PSD3: variants seen among roughly 807,000 people sequenced by gnomAD.
The protein encoded by PSD3 is PH and SEC7 domain-containing protein 3.
Under a neutral mutation model 105.5 loss-of-function variants are expected in PSD3, and 49 were observed. The observed-to-expected ratio is 0.46, with a 90% CI of 0.37 to 0.59. PSD3 has a LOEUF of 0.59. Among genes scored for constraint, PSD3 ranks in the 20% least tolerant of loss-of-function variants. The pLI is 0.00. For missense variants in PSD3, 1,561 were observed against 1,263.8 expected (o/e 1.24, Z -3.57); for synonymous variants, 557 against 457.8 (o/e 1.22, Z -2.77).
intron 15 of PSD3, among the ~76,000 whole-genome samples, chr8:18,545,699 G>A (rs1021465474): frequency 6.6e-6 from 1 of 152,302 alleles, no homozygotes; most frequent in South Asian, 2.1e-4. Context: ...AGGGCACGTG[G>A]TTAATCTTTT....
intron 8 of PSD3, among the ~76,000 whole-genome samples, chr8:18,775,566 T>C (rs1375961209): frequency 6.6e-6 from 1 of 152,218 alleles, no homozygotes; most frequent in East Asian, 1.9e-4. Flanking sequence ...TCCTGTGGTT[T>C]TGATTTGCAT....
chr8:19,040,476 G>T, intron 1 of PSD3, among the ~76,000 whole-genome samples: 1 of 152,188 alleles, frequency 6.6e-6, no homozygotes, highest in South Asian at 2.1e-4. Flanking sequence ...AAAGTGTTGG[G>T]ATTATAGGCG....
intron 14 of PSD3, among the ~76,000 whole-genome samples, chr8:18,572,038 T>C (rs1055802558): frequency 6.6e-6 from 1 of 152,226 alleles, no homozygotes; most frequent in South Asian, 2.1e-4. Flanking sequence ...CTTCATTAGC[T>C]TGGAAAATCC....
At chr8:18,903,998 T>C (rs1479800590) in intron 2 of PSD3, among the ~76,000 whole-genome samples, 2 of 152,186 alleles carry the variant, frequency 1.3e-5, no homozygotes, top group South Asian at 2.1e-4. Flanking sequence ...TTTGCAGTGC[T>C]ATAAAGGAAC....
At chr8:19,023,116 G>A (rs1463696839) in intron 1 of PSD3, among the ~76,000 whole-genome samples, 2 of 152,266 alleles carry the variant, frequency 1.3e-5, no homozygotes, top group African/African-American at 4.8e-5. Flanking sequence ...AATTCTGAAA[G>A]ATGGGAGAGA....
intron 1 of PSD3, among the ~76,000 whole-genome samples, chr8:18,995,232 T>C (rs1248244919): frequency 3.3e-5 from 5 of 152,120 alleles, no homozygotes; most frequent in African/African-American, 4.8e-5. Context: ...AGGACAAATA[T>C]GGCCTTGGGA....
intron 9 of PSD3, chr8:18,721,249 T>C (rs1281375796): frequency 6.6e-6 from 1 of 151,892 alleles, no homozygotes; most frequent in East Asian, 1.9e-4. Flanking sequence ...TTAAGGATTA[T>C]TTCATTAAAA....
rs538584005 is a variant in PSD3, at chr8:18,777,494, A to G, written c.2083-11956T>C. ...TTCCCATGCTTTTCTAGTTCTTTAC[A>G]GTGTTTCATTAGATTGTTTATCTGA... On this transcript the variant is annotated intron_variant, in intron 8 of 15. Coordinates refer to ENST00000327040, the MANE Select transcript of PSD3 (RefSeq NM_015310.4). Among the ~76,000 whole-genome samples the G allele has an allele frequency of 1.5e-3, 229 of 152,266 alleles. 1 individual carries two copies. The highest frequency in any genetic ancestry group is 5.4e-3 in the African/African-American group (225 of 41,550).
intron 1 of PSD3, among the ~76,000 whole-genome samples, chr8:19,037,279 C>A (rs1329433871): frequency 6.6e-6 from 1 of 152,240 alleles, no homozygotes; most frequent in East Asian, 1.9e-4. Context: ...TGTCCAAATA[C>A]AGCTGATACA....
chr8:18,877,480 T>C (rs528430390), intron 2 of PSD3, among the ~76,000 whole-genome samples: 65 of 152,210 alleles, frequency 4.3e-4, no homozygotes, highest in African/African-American at 1.5e-3. Context: ...TATACATATA[T>C]TAATATATAT....
intron 9 of PSD3, among the ~76,000 whole-genome samples, chr8:18,727,392 G>A (rs563781970): frequency 1.0e-3 from 146 of 144,110 alleles, no homozygotes; most frequent in African/African-American, 3.4e-3. Context: ...ACCTGTAATC[G>A]CAGCTACTTG....
chr8:18,807,956 T>C (rs1028302777), intron 4 of PSD3, among the ~76,000 whole-genome samples: 3 of 152,118 alleles, frequency 2.0e-5, no homozygotes, highest in Non-Finnish European at 4.4e-5. Context: ...TAAACATTTT[T>C]TTAAAAAGAG....
chr8:18,917,819 C>T (rs1305218751), intron 2 of PSD3, among the ~76,000 whole-genome samples: 1 of 152,182 alleles, frequency 6.6e-6, no homozygotes, highest in Non-Finnish European at 1.5e-5. Context: ...GGACCTGCAA[C>T]ACCGTGGAAC....
intron 3 of PSD3, among the ~76,000 whole-genome samples, chr8:18,868,525 T>C (rs1212379820): frequency 6.6e-6 from 1 of 152,046 alleles, no homozygotes; most frequent in Non-Finnish European, 1.5e-5. Flanking sequence ...TAAGGCCAAA[T>C]GCTCTCAAGC....
chr8:19,068,603 T>C (rs1829153753), intron 1 of PSD3, among the ~76,000 whole-genome samples: 1 of 152,098 alleles, frequency 6.6e-6, no homozygotes, highest in South Asian at 2.1e-4. Flanking sequence ...CTCTTCCCTT[T>C]TGATAGCAAG....
chr8:18,896,601 T>C (rs1819165357), intron 2 of PSD3, among the ~76,000 whole-genome samples: 1 of 151,864 alleles, frequency 6.6e-6, no homozygotes, highest in Admixed American at 6.6e-5. Context: ...TTTGTAGAGA[T>C]GAGGTTTCAC....
intron 9 of PSD3, chr8:18,683,951 G>A (rs747291314): frequency 1.3e-6 from 1 of 760,646 alleles, no homozygotes; most frequent in Admixed American, 1.7e-5. Flanking sequence ...GTCAACTAAG[G>A]AAGGGGTTTA....
chr8:18,964,177 C>T (rs11204008), intron 1 of PSD3, among the ~76,000 whole-genome samples: 62,007 of 151,956 alleles, frequency 0.41, 12,907 homozygotes, highest in African/African-American at 0.43. Flanking sequence ...AAGTCTAGAG[C>T]ACAATGGTGT....
At chr8:18,710,282 A>C (rs6586761) in intron 9 of PSD3, among the ~76,000 whole-genome samples, 151,454 of 151,968 alleles carry the variant, frequency 1, 75,473 homozygotes, top group Non-Finnish European at 1. Context: ...GACAGGCAGA[A>C]AAGATTAGAG....
Sources: gnomAD v4.1 joint callset for allele counts (sites outside exome capture counted in the v4.1 genomes callset) on GRCh38, gnomAD v4.1.1 for gene constraint, MANE v1.5 for transcripts, NCBI Gene and HGNC (gene_info 2026-07-23, HGNC 2026-07-21) for gene names.